SHOC1: variants seen among roughly 807,000 people sequenced by gnomAD.
SHOC1 encodes the protein shortage in chiasmata 1.
Under a neutral mutation model 179.2 loss-of-function variants are expected in SHOC1, and 136 were observed. The observed-to-expected ratio is 0.76, with a 90% CI of 0.66 to 0.87. The LOEUF is 0.87. SHOC1 is among the 40% of genes least tolerant of loss of function. SHOC1 has a pLI of 0.00. For missense variants in SHOC1, 1,538 were observed against 1,700.8 expected (o/e 0.90, Z 1.68); for synonymous variants, 489 against 586.6 (o/e 0.83, Z 2.41).
rs780493837 is a variant in SHOC1, at chr9:111,694,275, G to A, written c.3271C>T (p.His1091Tyr). The change falls in exon 25 of 28, where the codon CAT (histidine) becomes TAT (tyrosine). Residue 1091 changes from histidine to tyrosine, a missense_variant. Coordinates refer to ENST00000682961, the MANE Select transcript of SHOC1 (RefSeq NM_001378211.1). ...AGCCAGGATTTATCCAACCATTCAT[G>A]AGGATCTCTCTTTGAGGTCATTAAA... is the stretch of plus-strand genomic sequence containing the variant. Reference protein sequence around the residue: ...HSLMTSKRDPHEWLDKSWLKV... With the variant: ...HSLMTSKRDPYEWLDKSWLKV... 12 of 1,611,392 alleles carry A rather than the reference G, an allele frequency of 7.4e-6. No individual in the cohort carries two copies. The highest frequency in any genetic ancestry group is 1.0e-5 in the Non-Finnish European group (12 of 1,178,336).
intron 11 of SHOC1, 69 bp downstream of exon 11, chr9:111,741,407 C>A: frequency 1.2e-6 from 1 of 851,822 alleles, no homozygotes; most frequent in Non-Finnish European, 1.9e-6. Flanking sequence ...AAGGATATCC[C>A]ACATTTCTAC....
intron 25 of SHOC1, 141 bp from the exon 26 acceptor site, chr9:111,694,089 T>C: frequency 9.3e-7 from 1 of 1,073,144 alleles, no homozygotes; most frequent in South Asian, 1.6e-5. Context: ...TTCTACTCGT[T>C]GCAGCAGATT....
chr9:111,752,756 A>T (rs1834653764), intron 8 of SHOC1, among the ~76,000 whole-genome samples: 1 of 152,252 alleles, frequency 6.6e-6, no homozygotes. Context: ...GTGAAAGAGA[A>T]ACTATAAAAA....
chr9:111,730,420 G>T (rs919518135), intron 12 of SHOC1, among the ~76,000 whole-genome samples: 5 of 152,300 alleles, frequency 3.3e-5, no homozygotes, highest in African/African-American at 1.2e-4. Flanking sequence ...ACACTAGAAA[G>T]TAGAAATGAC....
In SHOC1 at chr9:111,758,696, T is replaced by C. The variant is rs759293856; in HGVS notation, c.595A>G (p.Arg199Gly). ...AGCATTGGTCAATTAAGTAAGTACC[T>C]GGAAAAATTAGCTTCTGTGAAGATC... Reference protein sequence around the residue: ...GQIFTEANFSRECFSLQETLE... With the variant: ...GQIFTEANFSGECFSLQETLE... The change falls in exon 6 of 28, where the codon AGG becomes GGG. Residue 199 changes from arginine to glycine, a missense_variant and splice_region_variant. Physicochemically the swap from Arg to Gly is moderately radical, Grantham distance 125 (BLOSUM62 -2). Coordinates refer to ENST00000682961, the MANE Select transcript of SHOC1 (RefSeq NM_001378211.1). 3.8e-6 allele frequency: 6 copies of C among 1,572,808 alleles called. No homozygotes were observed. In the South Asian group the frequency reaches 4.8e-5, roughly 13 times the overall value.
At chr9:111,726,624 T>C (rs1279375619) in intron 13 of SHOC1, among the ~76,000 whole-genome samples, 1 of 152,168 alleles carries the variant, frequency 6.6e-6, no homozygotes, top group Non-Finnish European at 1.5e-5. Context: ...AAAATAAATA[T>C]ACCCATCATG....
chr9:111,718,103 G>T (rs1375803608), intron 16 of SHOC1, 81 bp downstream of exon 16: 3 of 933,484 alleles, frequency 3.2e-6, no homozygotes, highest in Non-Finnish European at 4.9e-6. Flanking sequence ...CTTATAAGGT[G>T]TATCTTTTTC....
intron 23 of SHOC1, among the ~76,000 whole-genome samples, chr9:111,701,260 A>C (rs1831960732): frequency 6.6e-6 from 1 of 152,194 alleles, no homozygotes; most frequent in Non-Finnish European, 1.5e-5. Context: ...CAGTTGATTA[A>C]GATACTTCCT....
intron 5 of SHOC1, among the ~76,000 whole-genome samples, chr9:111,768,939 T>C (rs557154043): frequency 3.2e-4 from 48 of 152,334 alleles, no homozygotes; most frequent in Middle Eastern, 3.4e-3. Context: ...CTATACCTAT[T>C]TTGATGATGG....
intron 12 of SHOC1, among the ~76,000 whole-genome samples, chr9:111,732,819 G>A (rs1375871327): frequency 1.3e-5 from 2 of 152,132 alleles, no homozygotes; most frequent in Non-Finnish European, 2.9e-5. Context: ...ATAAAGAAAC[G>A]TTTTTATGAT....
intron 5 of SHOC1, chr9:111,759,413 G>A: frequency 7.0e-7 from 1 of 1,432,322 alleles, no homozygotes; most frequent in Non-Finnish European, 9.1e-7. Context: ...TACTTGAGGA[G>A]TATGATATAG....
intron 2 of SHOC1, among the ~76,000 whole-genome samples, chr9:111,791,168 T>G (rs1836431693): frequency 1.3e-5 from 2 of 152,168 alleles, no homozygotes; most frequent in Non-Finnish European, 2.9e-5. Context: ...TATAAATAAA[T>G]TTTGTGTTTA....
At chr9:111,754,385 G>A (rs766773028) in intron 8 of SHOC1, among the ~76,000 whole-genome samples, 1 of 152,134 alleles carries the variant, frequency 6.6e-6, no homozygotes, top group African/African-American at 2.4e-5. Flanking sequence ...TATCCATCTG[G>A]AAAATGCAAA....
intron 5 of SHOC1, chr9:111,759,335 T>C (rs1440474978): frequency 6.5e-7 from 1 of 1,541,028 alleles, no homozygotes; most frequent in Non-Finnish European, 8.7e-7. Context: ...AGACTGATTC[T>C]ATTATTCTTA....
chr9:111,766,984 C>T (rs186682456), intron 5 of SHOC1, among the ~76,000 whole-genome samples: 415 of 152,032 alleles, frequency 2.7e-3, no homozygotes, highest in Admixed American at 5.1e-3. Context: ...AATCTGTTGG[C>T]CATTTCTTCT....
At chr9:111,774,813 A>G (rs1835767160) in intron 5 of SHOC1, among the ~76,000 whole-genome samples, 1 of 152,144 alleles carries the variant, frequency 6.6e-6, no homozygotes, top group East Asian at 1.9e-4. Context: ...TTGAAGCTGT[A>G]GCATTTCTTA....
chr9:111,696,400 G>A (rs768472248), intron 24 of SHOC1, among the ~76,000 whole-genome samples: 8 of 152,140 alleles, frequency 5.3e-5, no homozygotes, highest in Non-Finnish European at 1.0e-4. Flanking sequence ...AGTCCAGGGA[G>A]CCTCCTTTAA....
rs1036828091 is a variant in SHOC1, at chr9:111,741,251, C to T, written c.1174+225G>A. 3.3e-5 allele frequency among the ~76,000 whole-genome samples: 5 copies of T among 151,844 alleles called. 1 individual carries two copies. Among genetic ancestry groups the T allele is most frequent in the Non-Finnish European group, 7.4e-5 (5 of 67,998 alleles). On this transcript the variant is annotated intron_variant, in intron 11 of 27. Coordinates refer to ENST00000682961, the MANE Select transcript of SHOC1 (RefSeq NM_001378211.1). ...TTTCATTTCTTTTCTTTTCCTTCTC[C>T]CATGTATAGGAATTACCCAGAAAAT...
chr9:111,694,847 G>T (rs1831617911), intron 24 of SHOC1, among the ~76,000 whole-genome samples: 1 of 151,950 alleles, frequency 6.6e-6, no homozygotes, highest in African/African-American at 2.4e-5. Context: ...AAAAAATAAG[G>T]TTTTGATTTA....
Sources: allele counts gnomAD v4.1 joint callset (sites outside exome capture counted in the v4.1 genomes callset), GRCh38; gene constraint gnomAD v4.1.1; transcripts MANE v1.5; gene names NCBI Gene and HGNC (gene_info 2026-07-23, HGNC 2026-07-21).